The following GOLM2 variants were observed in gnomAD, a reference collection of about 807,000 sequenced individuals.
GOLM2 encodes the protein protein GOLM2.
GOLM2 carries 26 observed loss-of-function variants against 55.9 expected under a neutral mutation model. That is an observed-to-expected ratio of 0.47 (90% CI 0.34 to 0.65). The LOEUF is 0.65. GOLM2 is among the 30% of genes least tolerant of loss of function. The pLI is 0.01. For missense variants in GOLM2, 486 were observed against 531.8 expected, an observed-to-expected ratio of 0.91 and a Z score of 0.85; for synonymous variants, 165 against 194.6, an observed-to-expected ratio of 0.85 and a Z score of 1.27.
Position 44,413,690 on chromosome 15 carries a change from C to A in GOLM2, c.*284C>A. 3.5e-6 allele frequency: 1 copy of A among 285,968 alleles called. No individual in the cohort carries two copies. 17.7% of individuals were successfully genotyped at this position (285,968 alleles called of 1,614,324 possible). A position where few individuals can be genotyped will look rare whatever the true frequency, so the allele number is the denominator to read the frequency against. On this transcript the variant is annotated 3_prime_UTR_variant, in exon 10 of 10. Transcript: ENST00000299957. The stretch of plus-strand genomic sequence containing the variant: ...AATGTATATTTCACATTTTATTGAG[C>A]CGACTTATTTCCACAAATAGATAAA...
chr15:44,340,769 G>C (rs1435453103), intron 6 of GOLM2, among the ~76,000 whole-genome samples: 3 of 152,170 alleles, frequency 2.0e-5, no homozygotes, highest in Admixed American at 2.0e-4. Context: ...TTAATTTAAA[G>C]AAATGTTCAG....
intron 8 of GOLM2, among the ~76,000 whole-genome samples, chr15:44,401,584 A>T (rs998051019): frequency 1.3e-5 from 2 of 152,132 alleles, no homozygotes; most frequent in East Asian, 3.9e-4. Flanking sequence ...TATTTTTAAA[A>T]ATTTAGACCT....
At chr15:44,298,760 CA>C (rs1467128872) in intron 1 of GOLM2, among the ~76,000 whole-genome samples, 1 of 152,032 alleles carries the variant, frequency 6.6e-6, no homozygotes, top group Non-Finnish European at 1.5e-5. Flanking sequence ...AGTGCTGTTA[CA>C]AAATGTACGA....
intron 6 of GOLM2, among the ~76,000 whole-genome samples, chr15:44,345,480 G>A (rs778853173): frequency 4.0e-5 from 6 of 151,544 alleles, no homozygotes; most frequent in African/African-American, 7.3e-5. Context: ...GGCTGGTCTC[G>A]AACTCCTGAG....
rs564184396 is a variant in GOLM2, at chr15:44,382,806, C to G, written c.1072+1830C>G. Among the ~76,000 whole-genome samples, 182 of 151,124 alleles carry G rather than the reference C, an allele frequency of 1.2e-3. 1 individual carries two copies. The highest frequency in any genetic ancestry group is 4.3e-3 in the African/African-American group (178 of 41,192). On this transcript the variant is annotated intron_variant, in intron 8 of 9. Transcript: ENST00000299957. ...GGCATGGTGGTACACAACTGTAGTC[C>G]CAGCTACTTGAGAGGCTGAGGCAGG...
At chr15:44,375,303 G>A (rs2079357451) in intron 6 of GOLM2, among the ~76,000 whole-genome samples, 1 of 152,102 alleles carries the variant, frequency 6.6e-6, no homozygotes, top group Non-Finnish European at 1.5e-5. Context: ...ACACGCATGA[G>A]CCACCCCACC....
intron 6 of GOLM2, among the ~76,000 whole-genome samples, chr15:44,361,618 C>T (rs1239694354): frequency 6.6e-6 from 1 of 152,046 alleles, no homozygotes; most frequent in Non-Finnish European, 1.5e-5. Context: ...ACCAGAGGTA[C>T]AAGGAGGAAC....
intron 6 of GOLM2, among the ~76,000 whole-genome samples, chr15:44,338,819 CT>C (rs1008985198): frequency 3.3e-5 from 5 of 152,058 alleles, no homozygotes; most frequent in African/African-American, 9.7e-5. Context: ...TTTCTGGCCA[CT>C]TCTGTTCATT....
intron 6 of GOLM2, among the ~76,000 whole-genome samples, chr15:44,350,067 C>A (rs2079151546): frequency 6.6e-6 from 1 of 151,986 alleles, no homozygotes; most frequent in African/African-American, 2.4e-5. Flanking sequence ...AACAACCTAA[C>A]AATGCATCCT....
At chr15:44,349,876 A>G (rs1317605125) in intron 6 of GOLM2, among the ~76,000 whole-genome samples, 2 of 152,222 alleles carry the variant, frequency 1.3e-5, no homozygotes, top group African/African-American at 2.4e-5. Context: ...AAATTAAACA[A>G]TATGCTCCTG....
chr15:44,413,858 T>C lies in GOLM2; in HGVS notation c.*452T>C, dbSNP rs1450959433. 2 of 151,770 alleles carry C rather than the reference T, an allele frequency of 1.3e-5. No individual in the cohort carries two copies. The highest frequency in any genetic ancestry group is 4.9e-5 in the African/African-American group (2 of 41,182). The allele number at this position is 151,770 out of a possible 1,614,324, so 9.4% of individuals were successfully genotyped here. Reference sequence around the variant, plus strand: ...AGAGTTTTAGTCTTGTTTCCCAGGCTGGAGTGCAATGGCACAATCTTGGCT... The same window carrying C: ...AGAGTTTTAGTCTTGTTTCCCAGGCCGGAGTGCAATGGCACAATCTTGGCT... On this transcript the variant is annotated 3_prime_UTR_variant, in exon 10 of 10. Coordinates refer to ENST00000299957, the MANE Select transcript of GOLM2 (RefSeq NM_138423.4).
chr15:44,322,651 G>T (rs1414143461), intron 1 of GOLM2, among the ~76,000 whole-genome samples: 1 of 152,076 alleles, frequency 6.6e-6, no homozygotes, highest in Non-Finnish European at 1.5e-5. Flanking sequence ...GTATTCTTAT[G>T]TACTGGCTCC....
intron 6 of GOLM2, among the ~76,000 whole-genome samples, chr15:44,359,846 C>T (rs1030701784): frequency 1.3e-5 from 2 of 152,156 alleles, no homozygotes; most frequent in South Asian, 2.1e-4. Flanking sequence ...AGACTAACAG[C>T]GGATCTCTCG....
chr15:44,410,292 T>A (rs2079629042), intron 9 of GOLM2, among the ~76,000 whole-genome samples: 1 of 151,692 alleles, frequency 6.6e-6, no homozygotes, highest in African/African-American at 2.4e-5. Context: ...TACAAAAAAA[T>A]TAGCTGGGCG....
intron 8 of GOLM2, among the ~76,000 whole-genome samples, chr15:44,398,657 C>CTTT (rs994381104): frequency 1.5e-4 from 16 of 108,082 alleles, no homozygotes; most frequent in Non-Finnish European, 2.1e-4. Flanking sequence ...ATATAGGAGC[C>CTTT]TTTTTTTTTT....
intron 9 of GOLM2, among the ~76,000 whole-genome samples, chr15:44,410,712 A>G (rs2079632208): frequency 6.7e-6 from 1 of 150,336 alleles, no homozygotes; most frequent in South Asian, 2.1e-4. Context: ...CCTGGGCAAC[A>G]TGGTGAAACC....
intron 5 of GOLM2, 62 bp from the exon 6 acceptor site, chr15:44,338,175 C>A: frequency 6.7e-7 from 1 of 1,495,232 alleles, no homozygotes; most frequent in Non-Finnish European, 9.3e-7. Context: ...TACATTCCTT[C>A]AAAACATTTT....
At chr15:44,339,793 C>G (rs1307881139) in intron 6 of GOLM2, among the ~76,000 whole-genome samples, 5 of 152,022 alleles carry the variant, frequency 3.3e-5, no homozygotes, top group Admixed American at 3.3e-4. Context: ...TGCCATCATG[C>G]CCAGCTAATT....
rs115760263 is a variant in GOLM2 at position 44,356,232 on chromosome 15, T to G, written c.802+17915T>G. On this transcript the variant is annotated intron_variant, in intron 6 of 9. Transcript: ENST00000299957. ...CAAAATAAAAGACATAATAAAAAATTAGAACAGAAGTCAATAAAATTAAAA... is the reference window on the plus strand; with the variant it reads ...CAAAATAAAAGACATAATAAAAAATGAGAACAGAAGTCAATAAAATTAAAA... 3.7e-3 allele frequency among the ~76,000 whole-genome samples: 563 copies of G among 151,092 alleles called. 3 individuals are homozygous for G. The highest frequency in any genetic ancestry group is 0.013 in the African/African-American group (531 of 41,266).
Sources: allele counts gnomAD v4.1 joint callset (sites outside exome capture counted in the v4.1 genomes callset), GRCh38; gene constraint gnomAD v4.1.1; transcripts MANE v1.5; gene names NCBI Gene and HGNC (gene_info 2026-07-23, HGNC 2026-07-21).